SLC2A14: variants seen among roughly 807,000 people sequenced by gnomAD.
SLC2A14 encodes solute carrier family 2 member 14, also known as solute carrier family 2, facilitated glucose transporter member 14.
A neutral mutation model predicts 43.0 loss-of-function variants in SLC2A14; 13 were observed. That is an observed-to-expected ratio of 0.30 (90% CI 0.20 to 0.48). SLC2A14 has a LOEUF of 0.48. SLC2A14 is among the 20% of genes least tolerant of loss of function. SLC2A14 has a pLI of 0.99. For synonymous variants in SLC2A14, 190 were observed against 233.8 expected, an observed-to-expected ratio of 0.81 and a Z score of 1.71; for missense variants, 428 against 620.4, an observed-to-expected ratio of 0.69 and a Z score of 3.29.
chr12:7,832,964 C>T (rs750928696), intron 2 of SLC2A14, 150 bp from the exon 3 acceptor site: 6 of 667,032 alleles, frequency 9.0e-6, no homozygotes, highest in Admixed American at 6.0e-5. Context: ...GGTAATTAAT[C>T]GGGAAGACAA....
intron 2 of SLC2A14, among the ~76,000 whole-genome samples, chr12:7,862,264 CAAAA>C (rs71038792): frequency 2.4e-4 from 14 of 58,900 alleles, no homozygotes; most frequent in African/African-American, 8.7e-4. Flanking sequence ...ACTTGTCTCT[CAAAA>C]AAAAAAAAAA....
intron 2 of SLC2A14, among the ~76,000 whole-genome samples, chr12:7,853,257 G>A (rs1468457276): frequency 6.6e-6 from 1 of 151,742 alleles, no homozygotes; most frequent in Non-Finnish European, 1.5e-5. Flanking sequence ...TGACCAACAT[G>A]GTGAAACCTT....
chr12:7,859,878 G>A (rs1944451814), intron 2 of SLC2A14, among the ~76,000 whole-genome samples: 1 of 152,138 alleles, frequency 6.6e-6, no homozygotes, highest in Non-Finnish European at 1.5e-5. Flanking sequence ...GAAAGATCAA[G>A]AAGGGGATCA....
intron 1 of SLC2A14, among the ~76,000 whole-genome samples, chr12:7,887,366 A>G (rs1945704286): frequency 6.6e-6 from 1 of 152,052 alleles, no homozygotes; most frequent in South Asian, 2.1e-4. Context: ...CCCTACCACC[A>G]AAGATTCCTA....
Position 7,817,893 on chromosome 12 carries a change from C to T in SLC2A14, c.1213G>A (p.Val405Met). Reference protein sequence around the residue: ...SQGPRPAAMAVAGCSNWTSNF... With the variant: ...SQGPRPAAMAMAGCSNWTSNF... Reference sequence around the variant, plus strand: ...GAGGTCCAGTTGGAGCAGCCGGCCACTGCCATCGCAGCTGGGCGGGGGCCC... The same window carrying T: ...GAGGTCCAGTTGGAGCAGCCGGCCATTGCCATCGCAGCTGGGCGGGGGCCC... Residue 405 changes from valine to methionine, a missense_variant, in exon 10 of 11, where the codon GTG (valine) becomes ATG (methionine). Physicochemically the swap from Val to Met is conservative, Grantham distance 21. This residue lies in a region of SLC2A14 where 119 missense variants were observed against 188.7 expected (regional missense o/e 0.63). Transcript: ENST00000431042. The T allele has an allele frequency of 6.2e-7, 1 of 1,614,210 alleles. No homozygotes were observed. Among genetic ancestry groups the T allele is most frequent in the Non-Finnish European group, 8.5e-7 (1 of 1,180,040 alleles).
intron 1 of SLC2A14, chr12:7,871,189 G>C (rs933702997): frequency 7.9e-6 from 10 of 1,261,046 alleles, no homozygotes; most frequent in African/African-American, 1.5e-5. Context: ...CTGCTTCAAC[G>C]AGGAATCCTC....
chr12:7,884,174 C>A (rs1204548505), intron 1 of SLC2A14, among the ~76,000 whole-genome samples: 1 of 151,996 alleles, frequency 6.6e-6, no homozygotes, highest in Non-Finnish European at 1.5e-5. Context: ...CCCGCCTCAG[C>A]CTCCCAAAGT....
chr12:7,844,448 G>C lies in SLC2A14; in HGVS notation c.19-11634C>G, dbSNP rs190368470. Among the ~76,000 whole-genome samples the C allele has an allele frequency of 1.2e-3, 178 of 152,148 alleles. 1 individual carries two copies. Among genetic ancestry groups the C allele is most frequent in the Non-Finnish European group, 1.2e-3 (83 of 67,998 alleles). On this transcript the variant is annotated intron_variant, in intron 2 of 10. Coordinates refer to ENST00000431042, the MANE Select transcript of SLC2A14 (RefSeq NM_001286234.2). ...ATTATAAACATTCCTGATATTTGCT[G>C]AATGTATGAATTCTTTTCTCTCGAT...
chr12:7,826,504 G>T (rs1337699335), intron 7 of SLC2A14, among the ~76,000 whole-genome samples: 1 of 152,112 alleles, frequency 6.6e-6, no homozygotes, highest in Non-Finnish European at 1.5e-5. Flanking sequence ...AAAATGCTTT[G>T]TTACAAAATG....
At position 7,868,018 on chromosome 12, in the gene SLC2A14, G is replaced by A. The variant is rs749278204; in HGVS notation, c.18+1845C>T. Among the ~76,000 whole-genome samples the A allele has an allele frequency of 8.7e-4, 133 of 152,242 alleles. 1 individual carries two copies. The highest frequency in any genetic ancestry group is 3.2e-3 in the African/African-American group (131 of 41,536). ...CGAATTATGAAAGAAGTTCTACTTG[G>A]CTAAAATGCTATCAAACAGCATCAC... On this transcript the variant is annotated intron_variant, in intron 2 of 10. Coordinates refer to ENST00000431042, the MANE Select transcript of SLC2A14 (RefSeq NM_001286234.2).
intron 1 of SLC2A14, among the ~76,000 whole-genome samples, chr12:7,890,497 CACA>C (rs1394404741): frequency 1.4e-4 from 21 of 146,798 alleles, no homozygotes; most frequent in African/African-American, 4.9e-4. Flanking sequence ...GTACTTATCA[CACA>C]ACATTATAAT....
At chr12:7,854,966 C>T (rs369165485) in intron 2 of SLC2A14, among the ~76,000 whole-genome samples, 5 of 151,932 alleles carry the variant, frequency 3.3e-5, no homozygotes, top group African/African-American at 9.7e-5. Flanking sequence ...TCTGCCACCA[C>T]GACCAGCTAA....
intron 6 of SLC2A14, among the ~76,000 whole-genome samples, chr12:7,828,235 C>T (rs1293850884): frequency 1.1e-4 from 17 of 151,890 alleles, no homozygotes; most frequent in Admixed American, 3.3e-4. Flanking sequence ...TGGTGTCGCG[C>T]GCACCTGTAG....
intron 2 of SLC2A14, chr12:7,856,313 C>T (rs1406550106): frequency 6.6e-6 from 1 of 151,984 alleles, no homozygotes; most frequent in African/African-American, 2.4e-5. Flanking sequence ...TGATAATCTC[C>T]CACGAGCGGG....
chr12:7,842,443 G>A (rs1866035726), intron 2 of SLC2A14, among the ~76,000 whole-genome samples: 2 of 152,192 alleles, frequency 1.3e-5, no homozygotes, highest in African/African-American at 2.4e-5. Context: ...ATCTTCACTT[G>A]ATCTTAGCCA....
chr12:7,828,022 T>C (rs1864644865), intron 6 of SLC2A14, among the ~76,000 whole-genome samples: 1 of 151,802 alleles, frequency 6.6e-6, no homozygotes, highest in African/African-American at 2.4e-5. Flanking sequence ...AGCCATTCTT[T>C]TATTCCTTTA....
chr12:7,827,073 C>CTCTCTCTT (rs1555122260), intron 7 of SLC2A14, among the ~76,000 whole-genome samples: 4 of 118,102 alleles, frequency 3.4e-5, no homozygotes, highest in Admixed American at 1.0e-4. Flanking sequence ...TTCTCTCTCT[C>CTCTCTCTT]TCTTTCTTTC....
At chr12:7,886,771 T>C (rs2121123975) in intron 1 of SLC2A14, among the ~76,000 whole-genome samples, 1 of 152,204 alleles carries the variant, frequency 6.6e-6, no homozygotes, top group East Asian at 1.9e-4. Context: ...ATGACCACTG[T>C]TATTTTCAAG....
chr12:7,815,685 T>A (rs763939150), intron 10 of SLC2A14, among the ~76,000 whole-genome samples: 56 of 152,060 alleles, frequency 3.7e-4, no homozygotes, highest in Non-Finnish European at 6.6e-4. Context: ...CAAGCGATTC[T>A]CCTGCCTCAG....
Sources: gnomAD v4.1 joint callset for allele counts (sites outside exome capture counted in the v4.1 genomes callset) on GRCh38, gnomAD v4.1.1 for gene constraint, gnomAD v4.1.1 regional missense constraint, MANE v1.5 for transcripts, NCBI Gene and HGNC (gene_info 2026-07-23, HGNC 2026-07-21) for gene names.